Variants in PSPH observed in about 807,000 individuals in gnomAD.
The protein encoded by PSPH is L-3-phosphoserine phosphatase.
Under a neutral mutation model 23.4 loss-of-function variants are expected in PSPH, and 16 were observed. The observed-to-expected ratio is 0.68, with a 90% CI of 0.46 to 1.04. The LOEUF is 1.04. Among genes scored for constraint, PSPH ranks in the 50% least tolerant of loss-of-function variants. The pLI is 0.00. For synonymous variants in PSPH, 68 were observed against 99.7 expected (o/e 0.68, Z 1.89); for missense variants, 223 against 273.7 (o/e 0.81, Z 1.31).
chr7:56,012,132 C>T (rs1030267328), intron 7 of PSPH, among the ~76,000 whole-genome samples: 16 of 151,770 alleles, frequency 1.1e-4, no homozygotes, highest in African/African-American at 3.6e-4. Flanking sequence ...CCTCCTCCTG[C>T]GTCAGCTTCC....
intron 7 of PSPH, among the ~76,000 whole-genome samples, chr7:56,014,567 C>T (rs1788336356): frequency 6.6e-6 from 1 of 152,068 alleles, no homozygotes. Context: ...GTTGACCAGG[C>T]TGGTCTCAAA....
intron 3 of PSPH, among the ~76,000 whole-genome samples, chr7:56,030,646 C>A (rs1244955431): frequency 1.3e-5 from 2 of 152,070 alleles, no homozygotes; most frequent in Non-Finnish European, 2.9e-5. Flanking sequence ...CAGCTGTAAT[C>A]CCAGCACTTT....
At chr7:56,021,003 A>T (rs983954200) in intron 4 of PSPH, 70 bp downstream of exon 4, 1 of 1,537,948 alleles carries the variant, frequency 6.5e-7, no homozygotes, top group Non-Finnish European at 8.8e-7. Flanking sequence ...AGGGTCTAGC[A>T]CTTCATCCAA....
Position 56,013,351 on chromosome 7 carries a change from C to G in PSPH, c.571-1482G>C, listed in dbSNP as rs964862350. Among the ~76,000 whole-genome samples, 7 of 151,854 alleles carry G rather than the reference C, an allele frequency of 4.6e-5. No individual in the cohort carries two copies. The South Asian group carries it at 1.5e-3, about 31-fold the overall frequency. ...TGGGCAACATAGTGAGACCTCATCT[C>G]TACAAAACATAAACAAAATTAGATA... On this transcript the variant is annotated intron_variant, in intron 7 of 7. Coordinates refer to ENST00000275605, the MANE Select transcript of PSPH (RefSeq NM_004577.4).
intron 2 of PSPH, chr7:56,033,217 G>A (rs1791262049): frequency 6.6e-6 from 1 of 151,858 alleles, no homozygotes; most frequent in African/African-American, 2.4e-5. Context: ...TAGTGACCAG[G>A]TACAGTGGTC....
intron 3 of PSPH, among the ~76,000 whole-genome samples, chr7:56,026,724 G>C (rs1022997364): frequency 6.6e-6 from 1 of 152,062 alleles, no homozygotes; most frequent in African/African-American, 2.4e-5. Context: ...TACATGCCCA[G>C]GCAGGCTCAC....
intron 5 of PSPH, among the ~76,000 whole-genome samples, chr7:56,018,976 A>C (rs1032791705): frequency 6.6e-6 from 1 of 151,540 alleles, no homozygotes; most frequent in African/African-American, 2.4e-5. Context: ...TCTCTCAAAA[A>C]AAATTTTTTT....
rs35102510 is a variant in PSPH, at chr7:56,027,687, C to CA, written c.-20+4241dup. 8.7e-3 allele frequency among the ~76,000 whole-genome samples: 890 copies of CA among 102,254 alleles called. 11 individuals carry two copies. The highest frequency in any genetic ancestry group is 0.031 in the African/African-American group (784 of 25,150). The allele number at this position is 102,254 out of a possible 152,430, so 67.1% of individuals were successfully genotyped here. ...GGATGACAAGAGCAAGACTCCATCT[C>CA]AAAAAAAAAAAAAAAAAGGCCAACC... On this transcript the variant is annotated intron_variant, in intron 3 of 7. Coordinates refer to ENST00000275605, the MANE Select transcript of PSPH (RefSeq NM_004577.4).
intron 1 of PSPH, among the ~76,000 whole-genome samples, chr7:56,035,858 G>A (rs1791657853): frequency 6.6e-6 from 1 of 151,924 alleles, no homozygotes; most frequent in Non-Finnish European, 1.5e-5. Context: ...GACCTCAAAT[G>A]ATCTGCCCAC....
chr7:56,021,011 CA>C (rs1789308903), intron 4 of PSPH, 61 bp downstream of exon 4: 3 of 1,485,134 alleles, frequency 2.0e-6, no homozygotes, highest in Non-Finnish European at 1.8e-6. Context: ...GCACTTCATC[CA>C]AAACAGTCAC....
At chr7:56,034,946 A>C (rs1292578169) in intron 1 of PSPH, among the ~76,000 whole-genome samples, 3 of 151,890 alleles carry the variant, frequency 2.0e-5, no homozygotes, top group African/African-American at 7.3e-5. Flanking sequence ...TGTGTTTCCC[A>C]GGCTGGGCTC....
chr7:56,031,905 C>T (rs1791053027), intron 3 of PSPH, 24 bp downstream of exon 3: 1 of 153,260 alleles, frequency 6.5e-6, no homozygotes, highest in South Asian at 2.1e-4. Flanking sequence ...AAAACAAAAC[C>T]AAGAAAAGGC....
intron 5 of PSPH, among the ~76,000 whole-genome samples, chr7:56,019,293 C>T (rs1364584102): frequency 1.3e-5 from 2 of 151,314 alleles, no homozygotes; most frequent in Non-Finnish European, 2.9e-5. Context: ...ACAAAAATTA[C>T]CTAGGTGTGC....
At chr7:56,034,468 A>G (rs1791455907) in intron 1 of PSPH, among the ~76,000 whole-genome samples, 1 of 152,180 alleles carries the variant, frequency 6.6e-6, no homozygotes, top group African/African-American at 2.4e-5. Flanking sequence ...CACGTTTGGC[A>G]TTATACGCTT....
At chr7:56,041,398 A>G (rs1792523640) in intron 1 of PSPH, among the ~76,000 whole-genome samples, 1 of 151,456 alleles carries the variant, frequency 6.6e-6, no homozygotes, top group Admixed American at 6.6e-5. Context: ...TTTTTAGTAG[A>G]GATGGGGTTT....
intron 6 of PSPH, among the ~76,000 whole-genome samples, chr7:56,016,242 A>C (rs191836587): frequency 6.6e-6 from 1 of 151,454 alleles, no homozygotes; most frequent in African/African-American, 2.4e-5. Context: ...CTACTAAAAA[A>C]AAAATACAAA....
chr7:56,031,749 G>T (rs1791023463), intron 3 of PSPH, among the ~76,000 whole-genome samples, 180 bp downstream of exon 3: 3 of 152,156 alleles, frequency 2.0e-5, no homozygotes, highest in African/African-American at 7.2e-5. Context: ...AGGAGGTGGA[G>T]GTTGCAGTAA....
chr7:56,031,548 C>T (rs1473048354), intron 3 of PSPH, among the ~76,000 whole-genome samples: 2 of 152,182 alleles, frequency 1.3e-5, no homozygotes, highest in African/African-American at 4.8e-5. Context: ...TGCAGTGGCT[C>T]ACGCCTGTAA....
In PSPH at chr7:56,049,127, T is replaced by C. The variant is rs182916524; in HGVS notation, c.-292+2011A>G. Among the ~76,000 whole-genome samples, 159 of 151,814 alleles carry C rather than the reference T, an allele frequency of 1.0e-3. 1 individual carries two copies. The highest frequency in any genetic ancestry group is 3.7e-3 in the African/African-American group (152 of 41,404). ...TTTTAGTAGAGACGAGGTTTCACCGTGTTAGCCAGGATAGTGTCGATCTCC... is the reference window on the plus strand; with the variant it reads ...TTTTAGTAGAGACGAGGTTTCACCGCGTTAGCCAGGATAGTGTCGATCTCC... On this transcript the variant is annotated intron_variant, in intron 1 of 7. Coordinates refer to ENST00000275605, the MANE Select transcript of PSPH (RefSeq NM_004577.4).
Sources: allele counts gnomAD v4.1 joint callset (sites outside exome capture counted in the v4.1 genomes callset), GRCh38; gene constraint gnomAD v4.1.1; transcripts MANE v1.5; gene names NCBI Gene and HGNC (gene_info 2026-07-23, HGNC 2026-07-21).